EYS: variants seen among roughly 807,000 people sequenced by gnomAD.
EYS encodes protein eyes shut homolog.
EYS carries 250 observed loss-of-function variants against 282.1 expected under a neutral mutation model. The observed-to-expected ratio is 0.89, with a 90% CI of 0.80 to 0.98. The LOEUF (loss-of-function observed/expected upper bound fraction) is 0.98, where lower values mean the gene tolerates loss of function less well. Ranked by LOEUF, EYS falls within the 50% of genes least tolerant of loss-of-function variation. EYS has a pLI of 0.00. For synonymous variants in EYS, 1,355 were observed against 1,282.9 expected (o/e 1.06, Z -1.20); for missense variants, 4,016 against 3,709.0 (o/e 1.08, Z -2.15).
intron 33 of EYS, among the ~76,000 whole-genome samples, chr6:64,029,478 T>C (rs1769709916): frequency 6.6e-6 from 1 of 152,230 alleles, no homozygotes; most frequent in East Asian, 1.9e-4. Flanking sequence ...CCTACTTAGA[T>C]ACCAGGTACT....
chr6:65,331,334 G>T, intron 11 of EYS: 1 of 692,940 alleles, frequency 1.4e-6, no homozygotes, highest in Non-Finnish European at 1.8e-6. Context: ...ATTGAGCTTA[G>T]TGGTATATAG....
intron 33 of EYS, among the ~76,000 whole-genome samples, chr6:64,045,579 G>A (rs1770584448): frequency 6.6e-6 from 1 of 151,442 alleles, no homozygotes; most frequent in Non-Finnish European, 1.5e-5. Context: ...CTGAGTAGCT[G>A]TGATTACAGG....
chr6:65,460,931 T>C (rs1052052109), intron 5 of EYS, among the ~76,000 whole-genome samples: 3 of 152,140 alleles, frequency 2.0e-5, no homozygotes, highest in Non-Finnish European at 4.4e-5. Flanking sequence ...GTTTACTAAA[T>C]GATCCATAAT....
At chr6:65,158,689 G>T (rs1764783512) in intron 12 of EYS, among the ~76,000 whole-genome samples, 1 of 150,778 alleles carries the variant, frequency 6.6e-6, no homozygotes, top group African/African-American at 2.4e-5. Context: ...CATAACCTGG[G>T]TATCTCTAAA....
chr6:64,274,265 TC>T (rs1393167667), intron 30 of EYS, among the ~76,000 whole-genome samples: 1 of 152,114 alleles, frequency 6.6e-6, no homozygotes, highest in Non-Finnish European at 1.5e-5. Context: ...AACCTGTGTC[TC>T]CTGGGTCAAG....
At chr6:65,633,291 C>T (rs1043741099) in intron 2 of EYS, among the ~76,000 whole-genome samples, 1 of 152,106 alleles carries the variant, frequency 6.6e-6, no homozygotes, top group Non-Finnish European at 1.5e-5. Context: ...TACCTTCTTG[C>T]AGTGTGCTAT....
At chr6:65,560,498 A>T (rs1704400658) in intron 2 of EYS, among the ~76,000 whole-genome samples, 1 of 150,760 alleles carries the variant, frequency 6.6e-6, no homozygotes, top group South Asian at 2.1e-4. Flanking sequence ...TGTAACTTTC[A>T]CTTCAAAAAT....
chr6:64,578,477 A>C (rs761690721), intron 26 of EYS, among the ~76,000 whole-genome samples: 8 of 152,030 alleles, frequency 5.3e-5, no homozygotes, highest in Non-Finnish European at 1.2e-4. Flanking sequence ...CGTCAAAGAG[A>C]TCAATCCTGA....
chr6:64,408,529 A>T lies in EYS; in HGVS notation c.5928-19689T>A, dbSNP rs9362790. Among the ~76,000 whole-genome samples, 34 of 152,188 alleles carry T rather than the reference A, an allele frequency of 2.2e-4. 1 individual carries two copies. The South Asian group carries it at 6.2e-3, about 28-fold the overall frequency. On this transcript the variant is annotated intron_variant, in intron 28 of 42. Transcript: ENST00000503581. The stretch of plus-strand genomic sequence containing the variant: ...GTAGTGATTCCAAGACTTGAGCCCC[A>T]GCTGGGGTACAGGGATAGTATAAAT...
intron 29 of EYS, among the ~76,000 whole-genome samples, chr6:64,328,793 G>A (rs1228376061): frequency 6.6e-6 from 1 of 152,160 alleles, no homozygotes; most frequent in South Asian, 2.1e-4. Context: ...CTGGTTTTGT[G>A]AGAAGATGTG....
intron 12 of EYS, among the ~76,000 whole-genome samples, chr6:65,208,947 TAAGA>T (rs1378349413): frequency 1.3e-5 from 2 of 151,864 alleles, no homozygotes; most frequent in Non-Finnish European, 2.9e-5. Context: ...AATAATATTG[TAAGA>T]TATATTACTC....
chr6:63,753,626 G>C (rs974201178), intron 41 of EYS, among the ~76,000 whole-genome samples: 11 of 152,014 alleles, frequency 7.2e-5, no homozygotes, highest in East Asian at 1.9e-4. Context: ...CATAAGAATA[G>C]CATGGGGAAA....
chr6:65,115,964 C>G (rs969152868), intron 12 of EYS, among the ~76,000 whole-genome samples: 101 of 100,644 alleles, frequency 1.0e-3, no homozygotes, highest in Non-Finnish European at 1.6e-3. Flanking sequence ...GTCTGTCTAT[C>G]TAATCTATCT....
intron 12 of EYS, among the ~76,000 whole-genome samples, chr6:65,135,625 A>ACAAG (rs1561983910): frequency 2.0e-5 from 3 of 151,956 alleles, no homozygotes; most frequent in African/African-American, 7.2e-5. Context: ...TCTGTTAAAT[A>ACAAG]TCACTTCAGT....
intron 31 of EYS, among the ~76,000 whole-genome samples, chr6:64,201,517 GCTGT>G (rs1273532269): frequency 6.6e-6 from 1 of 152,056 alleles, no homozygotes. Flanking sequence ...TTGCACTTTT[GCTGT>G]CTGAGAGTGC....
intron 33 of EYS, among the ~76,000 whole-genome samples, chr6:64,059,693 T>TTAAGC (rs1203183087): frequency 6.6e-6 from 1 of 152,230 alleles, no homozygotes; most frequent in Non-Finnish European, 1.5e-5. Context: ...AAAGATTTTC[T>TTAAGC]TAAGCTTATG....
intron 15 of EYS, among the ~76,000 whole-genome samples, chr6:64,917,778 C>G (rs576263831): frequency 3.2e-4 from 48 of 152,100 alleles, no homozygotes; most frequent in South Asian, 1.0e-3. Context: ...ATGCATATAT[C>G]AAAACATTAT....
At chr6:65,319,133 T>C (rs1286898703) in intron 11 of EYS, among the ~76,000 whole-genome samples, 1 of 135,844 alleles carries the variant, frequency 7.4e-6, no homozygotes, top group African/African-American at 2.8e-5. Flanking sequence ...CCAAGGCAGG[T>C]GGATCACTTG....
At chr6:65,354,665 A>C (rs1764410208) in intron 8 of EYS, among the ~76,000 whole-genome samples, 1 of 152,118 alleles carries the variant, frequency 6.6e-6, no homozygotes, top group African/African-American at 2.4e-5. Context: ...AAAATACAAA[A>C]AATTAGTCAG....
Sources: gnomAD v4.1 joint callset for allele counts (sites outside exome capture counted in the v4.1 genomes callset) on GRCh38, gnomAD v4.1.1 for gene constraint, MANE v1.5 for transcripts, NCBI Gene and HGNC (gene_info 2026-07-23, HGNC 2026-07-21) for gene names.